Variants in SPPL3 observed in about 807,000 individuals in gnomAD.
SPPL3 encodes signal peptide peptidase-like 3.
SPPL3 carries 5 observed loss-of-function variants against 42.4 expected under a neutral mutation model. The ratio of observed to expected loss-of-function variants is 0.12; its 90% CI spans 0.06 to 0.25. The LOEUF is 0.25. SPPL3 is among the 10% of genes least tolerant of loss of function. SPPL3 has a pLI of 1.00. For missense variants in SPPL3, 235 were observed against 489.0 expected, an observed-to-expected ratio of 0.48 and a Z score of 4.90; for synonymous variants, 195 against 181.8, an observed-to-expected ratio of 1.07 and a Z score of -0.58.
intron 4 of SPPL3, chr12:120,784,158 C>A: frequency 4.0e-6 from 1 of 250,504 alleles, no homozygotes; most frequent in African/African-American, 2.3e-5. Flanking sequence ...ATGCCAAGCT[C>A]AACCTTCTGG....
At position 120,764,885 on chromosome 12, in the gene SPPL3, A is replaced by G; in HGVS notation, c.*114T>C. 1 of 1,102,832 alleles carries G rather than the reference A, an allele frequency of 9.1e-7. No homozygotes were observed. Among genetic ancestry groups the G allele is most frequent in the Non-Finnish European group, 1.3e-6 (1 of 781,642 alleles). The allele number at this position is 1,102,832 out of a possible 1,614,324, so 68.3% of individuals were successfully genotyped here. On this transcript the variant is annotated 3_prime_UTR_variant, in exon 11 of 11. Coordinates refer to ENST00000353487, the MANE Select transcript of SPPL3 (RefSeq NM_139015.5). ...TAAATGCCAAATCCAGTCACACGGC[A>G]GTTCCTTAAACACAGGTACATTTCT...
chr12:120,890,798 C>G (rs958000434), intron 1 of SPPL3, among the ~76,000 whole-genome samples: 14 of 152,120 alleles, frequency 9.2e-5, no homozygotes, highest in Non-Finnish European at 1.8e-4. Context: ...CATATACACA[C>G]AAACACGGAG....
In SPPL3 at chr12:120,784,389, T is replaced by C. The variant is rs2136979907; in HGVS notation, c.310+85A>G. The C allele has an allele frequency of 3.6e-6, 5 of 1,384,168 alleles. No individual in the cohort carries two copies. The South Asian group carries it at 6.0e-5, about 16-fold the overall frequency. The allele number at this position is 1,384,168 out of a possible 1,614,324, so 85.7% of individuals were successfully genotyped here. A position where few individuals can be genotyped will look rare whatever the true frequency, so the allele number is the denominator to read the frequency against. ...AAGGAAAAACTTACATGACATGGTATATAAATCTTAATTTTTGAACAATGA... is the reference window on the plus strand; with the variant it reads ...AAGGAAAAACTTACATGACATGGTACATAAATCTTAATTTTTGAACAATGA... On this transcript the variant is annotated intron_variant, in intron 4 of 10. Transcript: ENST00000353487.
chr12:120,765,821 A>AT (rs1868869170), intron 10 of SPPL3, among the ~76,000 whole-genome samples: 1 of 152,128 alleles, frequency 6.6e-6, no homozygotes, highest in South Asian at 2.1e-4. Context: ...CTGAGAATAG[A>AT]TATCTGGGAA....
At position 120,891,421 on chromosome 12, in the gene SPPL3, AT is replaced by A. The variant is rs567573709; in HGVS notation, c.23+12423del. Among the ~76,000 whole-genome samples, 472 of 152,260 alleles carry A rather than the reference AT, an allele frequency of 3.1e-3. 3 individuals carry two copies. Among genetic ancestry groups the A allele is most frequent in the Non-Finnish European group, 4.9e-3 (334 of 68,028 alleles). ...AAATAAGCACACATCAGGCCACGAG[AT>A]TTTTTTCAATTGCCCTTTCTGAATA... On this transcript the variant is annotated intron_variant, in intron 1 of 10. Coordinates refer to ENST00000353487, the MANE Select transcript of SPPL3 (RefSeq NM_139015.5).
chr12:120,789,451 C>CAAAAAAAAAAAAAAA (rs60082359), intron 3 of SPPL3, among the ~76,000 whole-genome samples: 1 of 96,194 alleles, frequency 1.0e-5, no homozygotes, highest in African/African-American at 4.0e-5. Context: ...GACTCTGTCT[C>CAAAAAAAAAAAAAAA]AAAAAAAAAA....
intron 1 of SPPL3, among the ~76,000 whole-genome samples, chr12:120,880,631 C>CA (rs1450693342): frequency 6.6e-6 from 1 of 151,634 alleles, no homozygotes; most frequent in Non-Finnish European, 1.5e-5. Flanking sequence ...ACTAAAAATA[C>CA]AAAAAATTAG....
intron 10 of SPPL3, among the ~76,000 whole-genome samples, 155 bp downstream of exon 10, chr12:120,766,108 A>G (rs1409457035): frequency 0.053 from 2,563 of 48,582 alleles, 32 homozygotes; most frequent in Admixed American, 0.096. Context: ...GCGCACACAC[A>G]CACACACACA....
intron 1 of SPPL3, among the ~76,000 whole-genome samples, chr12:120,875,555 TG>T (rs764745489): frequency 1.3e-5 from 2 of 150,272 alleles, no homozygotes; most frequent in African/African-American, 2.5e-5. Flanking sequence ...TTTGAACCCC[TG>T]AGGTGAAGGT....
At chr12:120,867,731 G>A (rs1872798457) in intron 1 of SPPL3, among the ~76,000 whole-genome samples, 1 of 116,428 alleles carries the variant, frequency 8.6e-6, no homozygotes, top group African/African-American at 3.0e-5. Flanking sequence ...TATGGTATTA[G>A]ACAATTCATG....
At chr12:120,901,791 A>G (rs1273642235) in intron 1 of SPPL3, 1 of 635,328 alleles carries the variant, frequency 1.6e-6, no homozygotes, top group East Asian at 1.4e-4. Context: ...TAGTAGAATA[A>G]ATTTGTAAAT....
intron 1 of SPPL3, among the ~76,000 whole-genome samples, chr12:120,892,485 A>T (rs1873670700): frequency 6.6e-6 from 1 of 152,100 alleles, no homozygotes; most frequent in Non-Finnish European, 1.5e-5. Context: ...AGAGACTTGG[A>T]AGAAGGGCAA....
intron 1 of SPPL3, among the ~76,000 whole-genome samples, chr12:120,828,813 G>A (rs1279183878): frequency 6.6e-6 from 1 of 152,224 alleles, no homozygotes; most frequent in South Asian, 2.1e-4. Flanking sequence ...CTGGGGTGCA[G>A]TGGCGTGATC....
chr12:120,845,898 CTAT>C (rs1872019107), intron 1 of SPPL3, among the ~76,000 whole-genome samples: 3 of 147,454 alleles, frequency 2.0e-5, no homozygotes, highest in Non-Finnish European at 4.5e-5. Context: ...ATCTATCTAT[CTAT>C]CTATCTATTT....
At chr12:120,807,674 CAA>C (rs10706063) in intron 2 of SPPL3, among the ~76,000 whole-genome samples, 43 of 126,454 alleles carry the variant, frequency 3.4e-4, no homozygotes, top group Admixed American at 4.6e-4. Flanking sequence ...AACTCCGACT[CAA>C]AAAAAAAAAA....
chr12:120,824,654 C>T (rs987889037), intron 1 of SPPL3, among the ~76,000 whole-genome samples: 3 of 152,200 alleles, frequency 2.0e-5, no homozygotes, highest in African/African-American at 7.2e-5. Context: ...TGTCAGCCTC[C>T]TAAGTAGCTG....
intron 1 of SPPL3, among the ~76,000 whole-genome samples, chr12:120,900,628 C>T (rs1357877377): frequency 2.7e-5 from 4 of 150,396 alleles, no homozygotes; most frequent in South Asian, 2.1e-4. Flanking sequence ...GATCAATTGC[C>T]GGGTGTGGTG....
At position 120,764,563 on chromosome 12, in the gene SPPL3, GGAAACTGGTCCCAAAGT is replaced by G. The variant is rs1274511984; in HGVS notation, c.*419_*435del. On this transcript the variant is annotated 3_prime_UTR_variant, in exon 11 of 11. Coordinates refer to ENST00000353487, the MANE Select transcript of SPPL3 (RefSeq NM_139015.5). ...GTTCTCTGAAACTGAGTCCCCTATA[GGAAACTGGTCCCAAAGT>G]TCTCGAGGGGTCATTGAAGAAACTT... The G allele has an allele frequency of 3.7e-6, 1 of 272,390 alleles. No individual in the cohort carries two copies. Among genetic ancestry groups the G allele is most frequent in the Non-Finnish European group, 6.8e-6 (1 of 146,790 alleles). 16.9% of individuals were successfully genotyped at this position (272,390 alleles called of 1,614,324 possible). A position where few individuals can be genotyped will look rare whatever the true frequency, so the allele number is the denominator to read the frequency against.
At chr12:120,889,655 A>G (rs553945994) in intron 1 of SPPL3, among the ~76,000 whole-genome samples, 2 of 152,216 alleles carry the variant, frequency 1.3e-5, no homozygotes, top group Non-Finnish European at 2.9e-5. Context: ...CTGTAGATTC[A>G]TAAGTATATT....
Sources: gnomAD v4.1 joint callset for allele counts (sites outside exome capture counted in the v4.1 genomes callset) on GRCh38, gnomAD v4.1.1 for gene constraint, MANE v1.5 for transcripts, NCBI Gene and HGNC (gene_info 2026-07-23, HGNC 2026-07-21) for gene names.